The following ZNF248 variants were observed in gnomAD, a reference collection of about 807,000 sequenced individuals.
ZNF248 encodes zinc finger protein 248, also known as KRAB protein domain.
In ZNF248, 20 loss-of-function variants were observed where a neutral mutation model predicts 44.3. The observed-to-expected ratio is 0.45, with a 90% CI of 0.32 to 0.66. The LOEUF (loss-of-function observed/expected upper bound fraction) is 0.66, where lower values mean the gene tolerates loss of function less well. ZNF248 is among the 30% of genes least tolerant of loss of function. The pLI is 0.04. For missense variants in ZNF248, 654 were observed against 677.0 expected (o/e 0.97, Z 0.38); for synonymous variants, 224 against 229.0 (o/e 0.98, Z 0.20).
intron 6 of ZNF248, among the ~76,000 whole-genome samples, chr10:37,799,728 A>C (rs148175837): frequency 1.3e-5 from 2 of 152,314 alleles, no homozygotes; most frequent in East Asian, 3.9e-4. Context: ...AAAAATACAC[A>C]CAGACATAGT....
intron 3 of ZNF248, among the ~76,000 whole-genome samples, chr10:37,849,103 CATG>C (rs940398401): frequency 5.9e-5 from 9 of 152,134 alleles, no homozygotes; most frequent in African/African-American, 2.2e-4. Flanking sequence ...AACACACTGC[CATG>C]ATAAGCTTTC....
the ZNF248 span, among the ~76,000 whole-genome samples, chr10:37,770,838 C>T: frequency 6.6e-6 from 1 of 151,330 alleles, no homozygotes; most frequent in African/African-American, 2.4e-5. Flanking sequence ...AACAGGCAAC[C>T]TACAAAATGG....
chr10:37,761,244 G>A, the ZNF248 span, among the ~76,000 whole-genome samples: 1 of 152,216 alleles, frequency 6.6e-6, no homozygotes, highest in East Asian at 1.9e-4. Flanking sequence ...TGAGCCAGAA[G>A]GATGTGAAAT....
chr10:37,853,902 A>T (rs959010412), intron 3 of ZNF248, among the ~76,000 whole-genome samples: 2 of 152,198 alleles, frequency 1.3e-5, no homozygotes, highest in African/African-American at 4.8e-5. Context: ...GCAAAAGGGA[A>T]GAAAAAGCAC....
At chr10:37,843,874 G>A (rs762463652) in intron 3 of ZNF248, among the ~76,000 whole-genome samples, 13 of 151,730 alleles carry the variant, frequency 8.6e-5, no homozygotes, top group Non-Finnish European at 1.9e-4. Flanking sequence ...GAGCAGAACA[G>A]AAAAAAATAT....
downstream of ZNF248, among the ~76,000 whole-genome samples, chr10:37,828,075 G>C (rs1346205494): frequency 6.6e-6 from 1 of 152,182 alleles, no homozygotes; most frequent in East Asian, 1.9e-4. Context: ...TCAGTCTAGT[G>C]TATGAGAAAA....
chr10:37,761,401 C>T, the ZNF248 span, among the ~76,000 whole-genome samples: 1 of 152,180 alleles, frequency 6.6e-6, no homozygotes, highest in Non-Finnish European at 1.5e-5. Context: ...GTGAACTGAT[C>T]ACATGGTGTA....
In ZNF248 at chr10:37,829,390, T is replaced by G; in HGVS notation, c.*2225A>C. Reference sequence around the variant, plus strand: ...TATTTTTAGTTGGAGAATTCTGTTTTCCACCAGAAAGAACCATGGCTGATA... The same window carrying G: ...TATTTTTAGTTGGAGAATTCTGTTTGCCACCAGAAAGAACCATGGCTGATA... On this transcript the variant is annotated 3_prime_UTR_variant, in exon 6 of 6. Coordinates refer to ENST00000395867, the MANE Select transcript of ZNF248 (RefSeq NM_021045.3). 1 of 985,450 alleles carries G rather than the reference T, an allele frequency of 1.0e-6. No homozygotes were observed. Among genetic ancestry groups the G allele is most frequent in the Non-Finnish European group, 1.2e-6 (1 of 829,942 alleles). 61.0% of individuals were successfully genotyped at this position (985,450 alleles called of 1,614,324 possible).
chr10:37,827,800 G>A (rs182002045), downstream of ZNF248, among the ~76,000 whole-genome samples: 2 of 152,276 alleles, frequency 1.3e-5, no homozygotes, highest in South Asian at 2.1e-4. Context: ...CCCAAGGGCT[G>A]AACCCTCCCA....
chr10:37,827,969 T>G (rs2054652363), downstream of ZNF248, among the ~76,000 whole-genome samples: 2 of 152,110 alleles, frequency 1.3e-5, no homozygotes, highest in Admixed American at 1.3e-4. Flanking sequence ...GGACTGGGAG[T>G]GATTAGTCAT....
chr10:37,825,848 T>C (rs1453333693), downstream of ZNF248, among the ~76,000 whole-genome samples: 3 of 150,608 alleles, frequency 2.0e-5, no homozygotes, highest in Non-Finnish European at 4.4e-5. Flanking sequence ...GAGTAGACTC[T>C]GAGAAATTAA....
intron 6 of ZNF248, among the ~76,000 whole-genome samples, chr10:37,798,734 C>T (rs1458991218): frequency 1.3e-5 from 2 of 151,916 alleles, no homozygotes; most frequent in Non-Finnish European, 2.9e-5. Flanking sequence ...TACTTGTCTG[C>T]ATTAAAAAAA....
intron 3 of ZNF248, among the ~76,000 whole-genome samples, chr10:37,843,745 C>G (rs1015666424): frequency 2.6e-5 from 4 of 152,036 alleles, no homozygotes; most frequent in African/African-American, 9.7e-5. Flanking sequence ...GAATCTAAAG[C>G]TGAAAAGTAA....
the ZNF248 span, among the ~76,000 whole-genome samples, chr10:37,766,129 C>A: frequency 6.6e-6 from 1 of 152,086 alleles, no homozygotes. Flanking sequence ...CTGGGTGGAG[C>A]CCACCACAGC....
chr10:37,780,905 G>A (rs552631884), intron 6 of ZNF248, among the ~76,000 whole-genome samples: 16 of 152,318 alleles, frequency 1.1e-4, no homozygotes, highest in Non-Finnish European at 2.1e-4. Context: ...GTCTCTGCAA[G>A]GAACGGAAGC....
intron 5 of ZNF248, 91 bp from the exon 6 acceptor site, chr10:37,833,207 A>T (rs775090387): frequency 7.6e-4 from 1,115 of 1,462,604 alleles, no homozygotes; most frequent in Non-Finnish European, 9.6e-4. Flanking sequence ...CATACAGTCA[A>T]TTCTTTTGTT....
intron 6 of ZNF248, among the ~76,000 whole-genome samples, chr10:37,821,929 C>A (rs1281041736): frequency 6.6e-6 from 1 of 152,178 alleles, no homozygotes; most frequent in African/African-American, 2.4e-5. Flanking sequence ...CTGCCCAGAA[C>A]CAGTTCTACG....
chr10:37,776,497 C>A, downstream of ZNF248: 1 of 398,254 alleles, frequency 2.5e-6, no homozygotes, highest in South Asian at 1.3e-4. Flanking sequence ...AAGCAATCTT[C>A]AAGGTGGGAT....
chr10:37,779,349 G>T (rs1588976718), intron 6 of ZNF248, among the ~76,000 whole-genome samples: 1 of 152,144 alleles, frequency 6.6e-6, no homozygotes, highest in East Asian at 1.9e-4. Context: ...GGGATGCAAG[G>T]CTGGTTCAAT....
Sources: gnomAD v4.1 joint callset for allele counts (sites outside exome capture counted in the v4.1 genomes callset) on GRCh38, gnomAD v4.1.1 for gene constraint, MANE v1.5 for transcripts, NCBI Gene and HGNC (gene_info 2026-07-23, HGNC 2026-07-21) for gene names.